The following CUX1 variants were observed in gnomAD, a reference collection of about 807,000 sequenced individuals.
CUX1 encodes the protein protein CASP.
Under a neutral mutation model 158.8 loss-of-function variants are expected in CUX1, and 31 were observed. The ratio of observed to expected loss-of-function variants is 0.20; its 90% CI spans 0.15 to 0.26. The LOEUF (loss-of-function observed/expected upper bound fraction) is 0.26, where lower values mean the gene tolerates loss of function less well. Among genes scored for constraint, CUX1 ranks in the 10% least tolerant of loss-of-function variants. CUX1 has a pLI of 1.00. For synonymous variants in CUX1, 879 were observed against 862.1 expected, an observed-to-expected ratio of 1.02 and a Z score of -0.34; for missense variants, 1,589 against 2,014.6, an observed-to-expected ratio of 0.79 and a Z score of 4.04.
intron 8 of CUX1, among the ~76,000 whole-genome samples, chr7:102,132,316 C>CGT (rs1288620981): frequency 0.027 from 4 of 148 alleles, no homozygotes; most frequent in Admixed American, 0.17. Context: ...TGTGCGCGCG[C>CGT]GCGCGCGCAC....
intron 1 of CUX1, among the ~76,000 whole-genome samples, chr7:101,850,432 T>C (rs1237172808): frequency 6.7e-6 from 1 of 148,222 alleles, no homozygotes; most frequent in East Asian, 1.9e-4. Flanking sequence ...TTTTTTTTTT[T>C]TTTTTTTTTG....
At chr7:101,999,885 C>T (rs1035124861) in intron 2 of CUX1, among the ~76,000 whole-genome samples, 4 of 151,678 alleles carry the variant, frequency 2.6e-5, no homozygotes, top group Admixed American at 1.3e-4. Context: ...GGCATGCGTG[C>T]GTGTGTGTGT....
Position 102,117,397 on chromosome 7 carries a change from C to CAAAAAAAAA in CUX1, c.674+2138_674+2146dup, listed in dbSNP as rs10633602. Among the ~76,000 whole-genome samples, 13 of 46,668 alleles carry CAAAAAAAAA rather than the reference C, an allele frequency of 2.8e-4. 1 individual carries two copies. The South Asian group carries it at 3.9e-3, about 14-fold the overall frequency. The allele number at this position is 46,668 out of a possible 152,430, so 30.6% of individuals were successfully genotyped here. A position where few individuals can be genotyped will look rare whatever the true frequency, so the allele number is the denominator to read the frequency against. ...TGGGCTACAGAGCCAGACTCCATCG[C>CAAAAAAAAA]AAAAAAAAAAAAAAAAAAAAAAGGT... On this transcript the variant is annotated intron_variant, in intron 8 of 23. Coordinates refer to ENST00000292535, the MANE Select transcript of CUX1 (RefSeq NM_181552.4).
chr7:101,998,477 C>T (rs936421481), intron 2 of CUX1, among the ~76,000 whole-genome samples: 7 of 152,226 alleles, frequency 4.6e-5, no homozygotes, highest in Admixed American at 1.3e-4. Context: ...CCAGCCCGGG[C>T]GGTGCCCCCA....
At chr7:102,021,349 C>T (rs772852527) in intron 2 of CUX1, among the ~76,000 whole-genome samples, 6 of 152,114 alleles carry the variant, frequency 3.9e-5, no homozygotes, top group Non-Finnish European at 7.4e-5. Context: ...TGCTCTGTCA[C>T]CCAGGCTGGA....
In CUX1 at chr7:101,958,479, C is replaced by CTTTTTTT. The variant is rs11433173; in HGVS notation, c.141+42267_141+42273dup. 7.6e-4 allele frequency among the ~76,000 whole-genome samples: 85 copies of CTTTTTTT among 112,040 alleles called. 2 individuals are homozygous for CTTTTTTT. Among genetic ancestry groups the CTTTTTTT allele is most frequent in the Admixed American group, 8.8e-4 (8 of 9,116 alleles). The allele number at this position is 112,040 out of a possible 152,430, so 73.5% of individuals were successfully genotyped here. A position where few individuals can be genotyped will look rare whatever the true frequency, so the allele number is the denominator to read the frequency against. Reference sequence around the variant, plus strand: ...TAGGGTGGTCCTGAGATTTTCTTTTCTTTTTTTTTTTTTTTTTTTGAGGCG... The same window carrying CTTTTTTT: ...TAGGGTGGTCCTGAGATTTTCTTTTCTTTTTTTTTTTTTTTTTTTTTTTTTTGAGGCG... On this transcript the variant is annotated intron_variant, in intron 2 of 23. Coordinates refer to ENST00000292535, the MANE Select transcript of CUX1 (RefSeq NM_181552.4).
intron 8 of CUX1, among the ~76,000 whole-genome samples, chr7:102,125,045 G>C (rs1161373834): frequency 6.6e-6 from 1 of 152,126 alleles, no homozygotes; most frequent in African/African-American, 2.4e-5. Flanking sequence ...GCCTTCTAAA[G>C]TGCTGGATTT....
At chr7:102,027,020 A>G (rs1047543101) in intron 2 of CUX1, among the ~76,000 whole-genome samples, 1 of 152,052 alleles carries the variant, frequency 6.6e-6, no homozygotes, top group African/African-American at 2.4e-5. Flanking sequence ...GTGGCATGGG[A>G]TAAAATTTAT....
chr7:102,069,100 G>A (rs55851631), intron 3 of CUX1, among the ~76,000 whole-genome samples: 22,116 of 152,020 alleles, frequency 0.15, 1,694 homozygotes, highest in Middle Eastern at 0.22. Flanking sequence ...CTCTCCAGCC[G>A]CCCTCTCCTC....
intron 1 of CUX1, among the ~76,000 whole-genome samples, chr7:101,879,872 C>T (rs886634986): frequency 2.6e-5 from 4 of 152,316 alleles, no homozygotes; most frequent in South Asian, 2.1e-4. Flanking sequence ...TGCATGGGGG[C>T]GCACAGGGGA....
intron 2 of CUX1, among the ~76,000 whole-genome samples, chr7:101,918,705 G>A (rs531445999): frequency 3.0e-4 from 46 of 152,354 alleles, no homozygotes; most frequent in Admixed American, 1.9e-3. Flanking sequence ...GCGCCCACGC[G>A]GAAAGTCCAA....
intron 8 of CUX1, among the ~76,000 whole-genome samples, chr7:102,147,734 T>G (rs1835174757): frequency 6.6e-6 from 1 of 152,112 alleles, no homozygotes; most frequent in Non-Finnish European, 1.5e-5. Flanking sequence ...CGGTGGCTCA[T>G]ATCTGTCATC....
At chr7:102,171,502 C>T (rs765262537) in intron 10 of CUX1, among the ~76,000 whole-genome samples, 4 of 147,834 alleles carry the variant, frequency 2.7e-5, no homozygotes, top group Non-Finnish European at 4.5e-5. Context: ...GGCTGGAGTG[C>T]AGTGGCGCAG....
chr7:102,015,297 G>A (rs896629504), intron 2 of CUX1, among the ~76,000 whole-genome samples: 5 of 151,970 alleles, frequency 3.3e-5, no homozygotes, highest in African/African-American at 7.3e-5. Context: ...GCGTGATCTC[G>A]GCTCACTGCA....
intron 2 of CUX1, among the ~76,000 whole-genome samples, chr7:102,019,523 T>C (rs1819091266): frequency 6.6e-6 from 1 of 151,952 alleles, no homozygotes; most frequent in South Asian, 2.1e-4. Flanking sequence ...CCATGCCCGG[T>C]CTCATCATCA....
At chr7:102,043,231 G>A (rs145084814) in intron 3 of CUX1, among the ~76,000 whole-genome samples, 1 of 151,982 alleles carries the variant, frequency 6.6e-6, no homozygotes, top group African/African-American at 2.4e-5. Flanking sequence ...GATTACAGGC[G>A]TGATCCACCA....
chr7:101,923,081 A>G (rs1170676073), intron 2 of CUX1, among the ~76,000 whole-genome samples: 2 of 152,156 alleles, frequency 1.3e-5, no homozygotes, highest in Admixed American at 6.5e-5. Context: ...AGGTTACGGG[A>G]GGTCTGCAGC....
At chr7:102,025,087 T>A (rs924605507) in intron 2 of CUX1, among the ~76,000 whole-genome samples, 1 of 152,148 alleles carries the variant, frequency 6.6e-6, no homozygotes, top group Admixed American at 6.6e-5. Flanking sequence ...GACCTCTGCG[T>A]CGGTCCTCAG....
intron 3 of CUX1, among the ~76,000 whole-genome samples, chr7:102,045,199 A>C (rs1284196284): frequency 6.6e-6 from 1 of 152,208 alleles, no homozygotes; most frequent in East Asian, 1.9e-4. Context: ...TTTCTCCTCC[A>C]AAGCTGCAGC....
Sources: allele counts gnomAD v4.1 joint callset (sites outside exome capture counted in the v4.1 genomes callset), GRCh38; gene constraint gnomAD v4.1.1; transcripts MANE v1.5; gene names NCBI Gene and HGNC (gene_info 2026-07-23, HGNC 2026-07-21).